KCNN2: variants seen among roughly 807,000 people sequenced by gnomAD.
KCNN2 encodes the protein small conductance calcium-activated potassium channel protein 2.
KCNN2 carries 24 observed loss-of-function variants against 55.5 expected under a neutral mutation model. That is an observed-to-expected ratio of 0.43 (90% CI 0.31 to 0.61). The LOEUF is 0.61. KCNN2 is among the 20% of genes least tolerant of loss of function. KCNN2 has a pLI of 0.08. For missense variants in KCNN2, 754 were observed against 853.6 expected (o/e 0.88, Z 1.45); for synonymous variants, 431 against 336.1 (o/e 1.28, Z -3.09).
chr5:114,137,352 T>C (rs935457447), intron 1 of KCNN2, among the ~76,000 whole-genome samples: 1 of 152,110 alleles, frequency 6.6e-6, no homozygotes, highest in Non-Finnish European at 1.5e-5. Flanking sequence ...TAGAAAGAAA[T>C]GCAAAATGGT....
chr5:114,300,648 T>C (rs1756135596), intron 2 of KCNN2, among the ~76,000 whole-genome samples: 1 of 152,228 alleles, frequency 6.6e-6, no homozygotes, highest in Non-Finnish European at 1.5e-5. Flanking sequence ...AGTTATTTGC[T>C]TTTGTTGTAA....
chr5:114,148,432 C>G (rs1752449225), intron 1 of KCNN2, among the ~76,000 whole-genome samples: 2 of 152,084 alleles, frequency 1.3e-5, no homozygotes, highest in South Asian at 4.1e-4. Flanking sequence ...TCAATTAAAG[C>G]CTCCAACTTG....
intron 2 of KCNN2, among the ~76,000 whole-genome samples, chr5:114,267,072 T>A (rs1408913289): frequency 6.9e-6 from 1 of 145,866 alleles, no homozygotes; most frequent in East Asian, 2.2e-4. Flanking sequence ...CTCAGCTCAC[T>A]GCAACCTCCG....
chr5:114,182,306 C>T (rs896314628), intron 1 of KCNN2, among the ~76,000 whole-genome samples: 8 of 151,808 alleles, frequency 5.3e-5, no homozygotes, highest in African/African-American at 1.9e-4. Flanking sequence ...TATAGTAAGC[C>T]TGAAAATTAG....
intron 3 of KCNN2, among the ~76,000 whole-genome samples, chr5:114,435,625 A>G (rs1328680563): frequency 6.6e-6 from 1 of 152,110 alleles, no homozygotes; most frequent in Non-Finnish European, 1.5e-5. Context: ...TACTCTAAAA[A>G]AAAAAGATGA....
chr5:114,459,778 T>C (rs942739897), intron 3 of KCNN2, among the ~76,000 whole-genome samples: 3 of 152,216 alleles, frequency 2.0e-5, no homozygotes, highest in African/African-American at 7.2e-5. Flanking sequence ...CCTAGAAAGA[T>C]GCATGTTTCT....
chr5:114,166,113 A>G (rs1013723767), intron 1 of KCNN2, among the ~76,000 whole-genome samples: 18 of 152,114 alleles, frequency 1.2e-4, no homozygotes, highest in African/African-American at 4.1e-4. Context: ...GATGGTCTCA[A>G]TGTCCTGACC....
At chr5:114,350,100 T>A (rs765146822) in intron 2 of KCNN2, among the ~76,000 whole-genome samples, 1 of 151,986 alleles carries the variant, frequency 6.6e-6, no homozygotes, top group Admixed American at 6.6e-5. Context: ...ATTTATTCTT[T>A]TAAATTTTTT....
intron 1 of KCNN2, among the ~76,000 whole-genome samples, chr5:114,104,465 A>G (rs985272421): frequency 1.3e-5 from 2 of 151,830 alleles, no homozygotes; most frequent in South Asian, 2.1e-4. Context: ...CTAGGTTTTG[A>G]ATTTGTCTTT....
chr5:114,402,720 G>C (rs1441457450), intron 2 of KCNN2, among the ~76,000 whole-genome samples: 1 of 152,214 alleles, frequency 6.6e-6, no homozygotes, highest in East Asian at 1.9e-4. Flanking sequence ...ATGTGGGAAT[G>C]ATCACAAGGT....
At chr5:114,390,332 A>G (rs943732607) in intron 2 of KCNN2, among the ~76,000 whole-genome samples, 3 of 152,160 alleles carry the variant, frequency 2.0e-5, no homozygotes, top group Admixed American at 6.5e-5. Context: ...TAAACCATTA[A>G]AATAAGTAAA....
intron 3 of KCNN2, among the ~76,000 whole-genome samples, chr5:114,461,932 G>T (rs1303205074): frequency 6.6e-6 from 1 of 152,172 alleles, no homozygotes; most frequent in Non-Finnish European, 1.5e-5. Context: ...ATATTTTGCA[G>T]AGCAAGAAAT....
At chr5:114,245,007 G>T (rs1033795120) in intron 2 of KCNN2, among the ~76,000 whole-genome samples, 1 of 152,228 alleles carries the variant, frequency 6.6e-6, no homozygotes, top group Admixed American at 6.5e-5. Flanking sequence ...CAGCATAAAA[G>T]CCAAGAAATA....
At chr5:114,187,666 C>T (rs1017147795) in intron 1 of KCNN2, among the ~76,000 whole-genome samples, 6 of 151,072 alleles carry the variant, frequency 4.0e-5, no homozygotes, top group South Asian at 4.2e-4. Flanking sequence ...CCACTGCACC[C>T]GGCTAATTTT....
At chr5:114,198,454 A>G (rs1753604254) in intron 1 of KCNN2, among the ~76,000 whole-genome samples, 1 of 98,768 alleles carries the variant, frequency 1.0e-5, no homozygotes, top group Admixed American at 1.0e-4. Context: ...GTTTACATAT[A>G]TATACATATA....
intron 1 of KCNN2, among the ~76,000 whole-genome samples, chr5:114,213,982 T>C (rs1753942363): frequency 6.6e-6 from 1 of 151,954 alleles, no homozygotes; most frequent in Admixed American, 6.6e-5. Context: ...AGCCCTGAGC[T>C]AAGTGCTTCA....
At chr5:114,122,592 G>C (rs936721259) in intron 1 of KCNN2, among the ~76,000 whole-genome samples, 3 of 152,142 alleles carry the variant, frequency 2.0e-5, no homozygotes, top group Non-Finnish European at 2.9e-5. Context: ...GGATGTCTTT[G>C]TTGGGTAGGA....
At chr5:114,060,618 G>A (rs1046613297) in intron 1 of KCNN2, among the ~76,000 whole-genome samples, 3 of 152,216 alleles carry the variant, frequency 2.0e-5, no homozygotes, top group Non-Finnish European at 2.9e-5. Flanking sequence ...TAGGCTTTGG[G>A]ATATAATAGA....
chr5:114,225,342 T>A (rs967187762), intron 2 of KCNN2, among the ~76,000 whole-genome samples: 27 of 152,070 alleles, frequency 1.8e-4, no homozygotes, highest in African/African-American at 7.2e-5. Flanking sequence ...TGACGGAAAA[T>A]TTATATTATA....
Sources: allele counts gnomAD v4.1 joint callset (sites outside exome capture counted in the v4.1 genomes callset), GRCh38; gene constraint gnomAD v4.1.1; transcripts MANE v1.5; gene names NCBI Gene and HGNC (gene_info 2026-07-23, HGNC 2026-07-21).